The following IL7 variants were observed in gnomAD, a reference collection of about 807,000 sequenced individuals.
IL7 encodes interleukin-7.
In IL7, 3 loss-of-function variants were observed where a neutral mutation model predicts 21.6. The observed-to-expected ratio is 0.14, with a 90% CI of 0.06 to 0.36. The LOEUF (loss-of-function observed/expected upper bound fraction) is 0.36. Among genes scored for constraint, IL7 ranks in the 10% least tolerant of loss-of-function variants. The pLI is 1.00. For synonymous variants in IL7, 62 were observed against 68.1 expected (o/e 0.91, Z 0.44); for missense variants, 175 against 200.2 (o/e 0.87, Z 0.76).
chr8:78,744,003 G>A (rs975886201), intron 2 of IL7, among the ~76,000 whole-genome samples: 2 of 152,102 alleles, frequency 1.3e-5, no homozygotes, highest in Non-Finnish European at 2.9e-5. Context: ...CAGGTGGAAC[G>A]CACCTGCAGG....
intron 4 of IL7, among the ~76,000 whole-genome samples, chr8:78,678,352 A>G (rs1448630571): frequency 2.0e-5 from 3 of 152,136 alleles, no homozygotes; most frequent in African/African-American, 7.2e-5. Flanking sequence ...AATTTTTTTT[A>G]GTGAGAAAGA....
chr8:78,717,502 T>G, downstream of IL7: 1 of 1,279,902 alleles, frequency 7.8e-7, no homozygotes, highest in Non-Finnish European at 1.0e-6. Context: ...GAATAGAATC[T>G]CAAAAAAAAA....
At chr8:78,766,125 T>G (rs1047420354) in intron 2 of IL7, among the ~76,000 whole-genome samples, 19 of 152,084 alleles carry the variant, frequency 1.2e-4, no homozygotes, top group African/African-American at 4.6e-4. Context: ...CTGGAAAAGG[T>G]AAAACTAGAG....
At chr8:78,763,967 G>C (rs773289081) in intron 2 of IL7, among the ~76,000 whole-genome samples, 1 of 151,952 alleles carries the variant, frequency 6.6e-6, no homozygotes, top group Non-Finnish European at 1.5e-5. Context: ...GATTCAATTT[G>C]CTATTGGGGA....
intron 2 of IL7, among the ~76,000 whole-genome samples, chr8:78,789,751 T>C (rs1454406209): frequency 1.3e-5 from 2 of 152,118 alleles, no homozygotes; most frequent in African/African-American, 2.4e-5. Context: ...AGATGGATAA[T>C]ACAGGTGTTA....
At chr8:78,755,089 A>G (rs1265075961) in intron 2 of IL7, among the ~76,000 whole-genome samples, 2 of 152,016 alleles carry the variant, frequency 1.3e-5, no homozygotes, top group East Asian at 1.9e-4. Context: ...TAAAGAGACC[A>G]TCATTTTCCC....
At chr8:78,793,292 A>C (rs1813754248) in intron 2 of IL7, among the ~76,000 whole-genome samples, 1 of 152,122 alleles carries the variant, frequency 6.6e-6, no homozygotes, top group Non-Finnish European at 1.5e-5. Flanking sequence ...TTTGGCAATG[A>C]TGAAAATATT....
At chr8:78,788,308 C>T (rs1011625579) in intron 2 of IL7, among the ~76,000 whole-genome samples, 52 of 151,796 alleles carry the variant, frequency 3.4e-4, no homozygotes, top group African/African-American at 1.2e-3. Flanking sequence ...TTTTCTTTCT[C>T]ATTTCTGTTT....
At chr8:78,750,743 G>A (rs1405774443) in intron 2 of IL7, among the ~76,000 whole-genome samples, 3 of 152,192 alleles carry the variant, frequency 2.0e-5, no homozygotes, top group Non-Finnish European at 4.4e-5. Flanking sequence ...AGAATGGCGT[G>A]AACCTGAGAG....
At chr8:78,760,301 C>A in intron 2 of IL7, 1 of 1,607,206 alleles carries the variant, frequency 6.2e-7, no homozygotes, top group Non-Finnish European at 8.5e-7. Flanking sequence ...TCAAAGTGTT[C>A]CTCAAATATG....
intron 6 of IL7, chr8:78,718,962 G>C (rs1035621855): frequency 5.3e-5 from 8 of 151,480 alleles, no homozygotes; most frequent in Non-Finnish European, 1.2e-4. Context: ...GCTTAGTTTA[G>C]TTTGGGCAGG....
At chr8:78,774,338 G>A (rs1386326912) in intron 2 of IL7, among the ~76,000 whole-genome samples, 1 of 152,010 alleles carries the variant, frequency 6.6e-6, no homozygotes, top group African/African-American at 2.4e-5. Flanking sequence ...GATTCTTTGT[G>A]ATGACAATAA....
chr8:78,707,031 T>G (rs1163784162), intron 3 of IL7, among the ~76,000 whole-genome samples: 3 of 152,222 alleles, frequency 2.0e-5, no homozygotes, highest in Admixed American at 1.3e-4. Context: ...CTTTTAGTGG[T>G]AAGAAACTGA....
intron 3 of IL7, among the ~76,000 whole-genome samples, chr8:78,696,577 GAAAGT>G (rs1036467841): frequency 2.0e-5 from 3 of 152,094 alleles, no homozygotes; most frequent in Non-Finnish European, 2.9e-5. Flanking sequence ...CTCAAAAAGA[GAAAGT>G]AAAATAAAAT....
At chr8:78,682,347 G>A (rs1255595761) in intron 4 of IL7, among the ~76,000 whole-genome samples, 9 of 147,144 alleles carry the variant, frequency 6.1e-5, no homozygotes, top group Admixed American at 5.9e-4. Context: ...CGGAGACTGG[G>A]TAATTTATAA....
chr8:78,683,204 C>T (rs768040715), intron 4 of IL7, among the ~76,000 whole-genome samples: 4 of 152,250 alleles, frequency 2.6e-5, no homozygotes, highest in Non-Finnish European at 5.9e-5. Context: ...CCTCTTCTCA[C>T]AGCTCCACTA....
chr8:78,698,994 T>C (rs895132559), intron 3 of IL7, among the ~76,000 whole-genome samples: 2 of 152,098 alleles, frequency 1.3e-5, no homozygotes, highest in Non-Finnish European at 2.9e-5. Flanking sequence ...CTGGACTCTT[T>C]TCACGTTTTT....
chr8:78,707,662 T>C (rs968900641), intron 3 of IL7, among the ~76,000 whole-genome samples: 1 of 152,226 alleles, frequency 6.6e-6, no homozygotes, highest in Non-Finnish European at 1.5e-5. Flanking sequence ...CAATCATACC[T>C]GTTCAAATTC....
At chr8:78,734,258 G>A (rs554245550) in intron 5 of IL7, among the ~76,000 whole-genome samples, 5 of 152,258 alleles carry the variant, frequency 3.3e-5, no homozygotes, top group African/African-American at 1.2e-4. Flanking sequence ...GATGGAACTT[G>A]TACCCTAAGG....
Sources: gnomAD v4.1 joint callset for allele counts (sites outside exome capture counted in the v4.1 genomes callset) on GRCh38, gnomAD v4.1.1 for gene constraint, MANE v1.5 for transcripts, NCBI Gene and HGNC (gene_info 2026-07-23, HGNC 2026-07-21) for gene names.